Variants in ARRB1 observed in about 807,000 individuals in gnomAD.
ARRB1 encodes the protein beta-arrestin-1.
ARRB1 carries 21 observed loss-of-function variants against 56.8 expected under a neutral mutation model. The ratio of observed to expected loss-of-function variants is 0.37; its 90% CI spans 0.26 to 0.53. ARRB1 has a LOEUF of 0.53. ARRB1 is among the 20% of genes least tolerant of loss of function. The pLI, the probability that ARRB1 is intolerant of heterozygous loss-of-function variation, is 0.88. For missense variants in ARRB1, 424 were observed against 553.7 expected (o/e 0.77, Z 2.35); for synonymous variants, 210 against 218.6 (o/e 0.96, Z 0.35).
Position 75,281,161 on chromosome 11 carries a change from T to A in ARRB1, c.415-19A>T. ...CGCAAGCCTGTGGGGAAGGGGTCAC[T>A]GACCACAGGGCCTTGGAGAAGCAGG... On this transcript the variant is annotated intron_variant, in intron 6 of 15. Transcript: ENST00000420843. The A allele has an allele frequency of 6.3e-7, 1 of 1,585,706 alleles. No individual in the cohort carries two copies. The highest frequency in any genetic ancestry group is 1.8e-5 in the Admixed American group (1 of 56,036).
intron 1 of ARRB1, chr11:75,312,035 T>A (rs1321088882): frequency 3.1e-6 from 4 of 1,289,050 alleles, no homozygotes; most frequent in Non-Finnish European, 3.0e-6. Flanking sequence ...CTGCCCAGCC[T>A]CTTCCCCTCC....
At chr11:75,275,267 C>T (rs1946176729) in intron 10 of ARRB1, among the ~76,000 whole-genome samples, 1 of 151,878 alleles carries the variant, frequency 6.6e-6, no homozygotes, top group South Asian at 2.1e-4. Context: ...CTACCTCAGC[C>T]TCCCAAGTAG....
chr11:75,332,685 A>G (rs1182134803), intron 1 of ARRB1, among the ~76,000 whole-genome samples: 2 of 152,208 alleles, frequency 1.3e-5, no homozygotes, highest in African/African-American at 4.8e-5. Flanking sequence ...TCATGAGGTC[A>G]GGAGTTCGAG....
intron 1 of ARRB1, among the ~76,000 whole-genome samples, chr11:75,328,797 G>C (rs797006487): frequency 2.6e-5 from 4 of 152,354 alleles, no homozygotes; most frequent in African/African-American, 9.6e-5. Context: ...CCACATCCAA[G>C]ATGCGTATAG....
chr11:75,293,885 CG>C (rs1406510449), intron 1 of ARRB1, among the ~76,000 whole-genome samples: 1 of 152,188 alleles, frequency 6.6e-6, no homozygotes, highest in East Asian at 1.9e-4. Context: ...CATTTTCCCC[CG>C]GTTGCACTGC....
At chr11:75,268,821 G>C in intron 14 of ARRB1, 68 bp downstream of exon 14, 5 of 1,541,820 alleles carry the variant, frequency 3.2e-6, no homozygotes, top group Non-Finnish European at 4.4e-6. Flanking sequence ...CCGGGGCGGG[G>C]TGGGTTACAG....
chr11:75,336,073 C>A (rs1947598643), intron 1 of ARRB1, among the ~76,000 whole-genome samples: 1 of 152,158 alleles, frequency 6.6e-6, no homozygotes, highest in Admixed American at 6.5e-5. Flanking sequence ...ATCTCGCAGC[C>A]CGTGCCTCTG....
intron 1 of ARRB1, among the ~76,000 whole-genome samples, chr11:75,325,729 A>C (rs1333818369): frequency 6.6e-6 from 1 of 152,226 alleles, no homozygotes; most frequent in Non-Finnish European, 1.5e-5. Context: ...GTAGGGGCTG[A>C]GGCCACCAAA....
At chr11:75,267,398 T>G (rs1002367718) in intron 15 of ARRB1, among the ~76,000 whole-genome samples, 1 of 152,096 alleles carries the variant, frequency 6.6e-6, no homozygotes, top group Non-Finnish European at 1.5e-5. Flanking sequence ...ACGAACGGAC[T>G]GACGGACGGA....
At position 75,261,422 on chromosome 11, in the gene ARRB1, CAG is replaced by C. The variant is rs1252747754; in HGVS notation, c.*4739_*4740del. The C allele has an allele frequency of 6.6e-6, 1 of 152,078 alleles. No individual in the cohort carries two copies. Among genetic ancestry groups the C allele is most frequent in the Admixed American group, 6.5e-5 (1 of 15,268 alleles). The allele number at this position is 152,078 out of a possible 1,614,324, so 9.4% of individuals were successfully genotyped here. A position where few individuals can be genotyped will look rare whatever the true frequency, so the allele number is the denominator to read the frequency against. ...TCTCAGTAGGCAAGACAGATAAAAG[CAG>C]AGTTATTCTGGTGGCGGCGGAAATG... is the stretch of plus-strand genomic sequence containing the variant. On this transcript the variant is annotated 3_prime_UTR_variant, in exon 16 of 16. Coordinates refer to ENST00000420843, the MANE Select transcript of ARRB1 (RefSeq NM_004041.5).
At chr11:75,315,619 C>T (rs1467227321) in intron 1 of ARRB1, among the ~76,000 whole-genome samples, 1 of 152,148 alleles carries the variant, frequency 6.6e-6, no homozygotes, top group Non-Finnish European at 1.5e-5. Context: ...CAGTGTCTCA[C>T]CTGACCACGT....
chr11:75,302,340 T>C (rs1329882860), intron 1 of ARRB1, among the ~76,000 whole-genome samples: 1 of 152,110 alleles, frequency 6.6e-6, no homozygotes, highest in Non-Finnish European at 1.5e-5. Context: ...AATTCTCAGG[T>C]GGTGCAGAGT....
At chr11:75,331,950 G>C (rs1178681836) in intron 1 of ARRB1, among the ~76,000 whole-genome samples, 7 of 152,008 alleles carry the variant, frequency 4.6e-5, no homozygotes. Flanking sequence ...AGTGAAAATG[G>C]CCGGTTCCTG....
chr11:75,267,776 C>A, intron 14 of ARRB1, 73 bp from the exon 15 acceptor site: 1 of 1,344,036 alleles, frequency 7.4e-7, no homozygotes, highest in Non-Finnish European at 1.1e-6. Flanking sequence ...TAAGCACAGG[C>A]CCCCACCCTG....
intron 1 of ARRB1, among the ~76,000 whole-genome samples, chr11:75,307,158 C>G (rs186794165): frequency 1.3e-5 from 2 of 152,180 alleles, no homozygotes; most frequent in African/African-American, 4.8e-5. Flanking sequence ...CCCTGCCCCA[C>G]AGCAGCCAAG....
chr11:75,311,475 A>T lies in ARRB1; in HGVS notation c.21-21436T>A, dbSNP rs117665064. ...GACATCTGAGCTGGACTTGAAGCAC[A>T]ATGAAGAGTTTGTCAGATTGTCAAA... On this transcript the variant is annotated intron_variant, in intron 1 of 15. Coordinates refer to ENST00000420843, the MANE Select transcript of ARRB1 (RefSeq NM_004041.5). Among the ~76,000 whole-genome samples, 424 of 152,360 alleles carry T rather than the reference A, an allele frequency of 2.8e-3. 3 individuals carry two copies. Among genetic ancestry groups the T allele is most frequent in the Middle Eastern group, 6.8e-3 (2 of 294 alleles).
intron 1 of ARRB1, among the ~76,000 whole-genome samples, chr11:75,331,401 C>T (rs1947516837): frequency 6.6e-6 from 1 of 152,152 alleles, no homozygotes; most frequent in South Asian, 2.1e-4. Context: ...CATTGTCAGG[C>T]CTCTGAGCCC....
chr11:75,278,478 C>G, intron 8 of ARRB1, 131 bp downstream of exon 8: 1 of 1,327,568 alleles, frequency 7.5e-7, no homozygotes, highest in Non-Finnish European at 1.0e-6. Context: ...GATTCCCTGA[C>G]CCCTGTGGTC....
chr11:75,274,072 A>T lies in ARRB1; in HGVS notation c.914+2T>A. 6.2e-7 allele frequency: 1 copy of T among 1,614,160 alleles called. No individual in the cohort carries two copies. The highest frequency in any genetic ancestry group is 1.1e-5 in the South Asian group (1 of 91,086). On this transcript the variant is annotated splice_donor_variant, in intron 11 of 15. Coordinates refer to ENST00000420843, the MANE Select transcript of ARRB1 (RefSeq NM_004041.5). LOFTEE classifies it high-confidence loss of function. ...CCCAGGGCTAGGAGGGCAGGTCCTC[A>T]CAGGGTGCTAGAGGCCAAGTTCGTG... is the stretch of plus-strand genomic sequence containing the variant.
Sources: allele counts gnomAD v4.1 joint callset (sites outside exome capture counted in the v4.1 genomes callset), GRCh38; gene constraint gnomAD v4.1.1; transcripts MANE v1.5; gene names NCBI Gene and HGNC (gene_info 2026-07-23, HGNC 2026-07-21).